Variants in DISC1 observed in about 807,000 individuals in gnomAD.
DISC1 encodes disrupted in schizophrenia 1 protein.
DISC1 carries 57 observed loss-of-function variants against 84.5 expected under a neutral mutation model. That is an observed-to-expected ratio of 0.67 (90% confidence interval 0.55 to 0.84). The LOEUF is 0.84. Ranked by LOEUF, DISC1 falls within the 40% of genes least tolerant of loss-of-function variation. DISC1 has a pLI of 0.00. For synonymous variants in DISC1, 411 were observed against 415.2 expected (o/e 0.99, Z 0.12); for missense variants, 1,000 against 1,057.8 (o/e 0.95, Z 0.76).
At chr1:231,712,720 C>T (rs1032271367) in intron 3 of DISC1, among the ~76,000 whole-genome samples, 4 of 152,192 alleles carry the variant, frequency 2.6e-5, no homozygotes, top group Non-Finnish European at 4.4e-5. Context: ...ACGTTAAGTA[C>T]TGACATAGGC....
chr1:231,634,880 C>T (rs1209303234), intron 1 of DISC1, among the ~76,000 whole-genome samples: 1 of 151,724 alleles, frequency 6.6e-6, no homozygotes, highest in African/African-American at 2.4e-5. Context: ...CTACAAATAG[C>T]CACTGCACTC....
intron 9 of DISC1, among the ~76,000 whole-genome samples, chr1:231,931,854 G>A (rs1382053103): frequency 6.6e-6 from 1 of 151,988 alleles, no homozygotes; most frequent in Non-Finnish European, 1.5e-5. Context: ...GTCTCACTGT[G>A]TTGCCCAGGG....
At chr1:232,032,244 C>T (rs201011344) in intron 12 of DISC1, among the ~76,000 whole-genome samples, 2 of 152,074 alleles carry the variant, frequency 1.3e-5, no homozygotes, top group East Asian at 3.9e-4. Context: ...TCAGATGAAC[C>T]GAAGACCTAA....
chr1:232,002,860 A>G (rs1053636372), intron 10 of DISC1, among the ~76,000 whole-genome samples: 5 of 152,196 alleles, frequency 3.3e-5, no homozygotes, highest in Non-Finnish European at 5.9e-5. Flanking sequence ...CTGAACTTAC[A>G]TAAGTGATAA....
intron 6 of DISC1, among the ~76,000 whole-genome samples, chr1:231,777,004 A>C (rs1475781572): frequency 6.6e-6 from 1 of 152,194 alleles, no homozygotes; most frequent in East Asian, 1.9e-4. Flanking sequence ...GCATATCAGC[A>C]GTCTCCAAGC....
chr1:231,890,425 G>C (rs933205557), intron 9 of DISC1, among the ~76,000 whole-genome samples: 1 of 152,154 alleles, frequency 6.6e-6, no homozygotes, highest in East Asian at 1.9e-4. Flanking sequence ...AACAGAAAAG[G>C]CACATCACTG....
At chr1:231,816,700 G>T (rs993433912) in intron 8 of DISC1, among the ~76,000 whole-genome samples, 1 of 152,062 alleles carries the variant, frequency 6.6e-6, no homozygotes, top group Non-Finnish European at 1.5e-5. Context: ...TTGGCACTTT[G>T]GTTGGCTGTA....
intron 9 of DISC1, among the ~76,000 whole-genome samples, chr1:231,859,312 T>G (rs1348051013): frequency 6.6e-6 from 1 of 152,214 alleles, no homozygotes; most frequent in Non-Finnish European, 1.5e-5. Context: ...ACTGAGTGGC[T>G]CATAAATAAC....
chr1:231,680,954 C>CA (rs1340727586), intron 1 of DISC1, among the ~76,000 whole-genome samples: 5 of 151,940 alleles, frequency 3.3e-5, no homozygotes, highest in Non-Finnish European at 5.9e-5. Context: ...CTCTTTGCTG[C>CA]AAAAAAATAA....
intron 7 of DISC1, among the ~76,000 whole-genome samples, chr1:231,796,608 G>T (rs2078784908): frequency 6.6e-6 from 1 of 152,158 alleles, no homozygotes; most frequent in African/African-American, 2.4e-5. Flanking sequence ...TTTTGCTAAA[G>T]GTCACAGAGC....
At chr1:231,901,831 T>C (rs1303573643) in intron 9 of DISC1, among the ~76,000 whole-genome samples, 1 of 152,192 alleles carries the variant, frequency 6.6e-6, no homozygotes, top group Non-Finnish European at 1.5e-5. Context: ...TCTCTCTCTG[T>C]CAGAAGAGAG....
At chr1:231,806,884 G>A (rs2079772972) in intron 8 of DISC1, among the ~76,000 whole-genome samples, 1 of 152,248 alleles carries the variant, frequency 6.6e-6, no homozygotes, top group Non-Finnish European at 1.5e-5. Flanking sequence ...TGGCACTACA[G>A]CAAGTGTGTG....
intron 10 of DISC1, among the ~76,000 whole-genome samples, 181 bp from the exon 11 acceptor site, chr1:232,008,604 G>T (rs1009313474): frequency 1.3e-5 from 2 of 152,226 alleles, no homozygotes; most frequent in African/African-American, 4.8e-5. Flanking sequence ...ATGGTGACTT[G>T]ATGGTGTGCA....
At chr1:231,700,983 T>G (rs1220604742) in intron 2 of DISC1, among the ~76,000 whole-genome samples, 1 of 152,182 alleles carries the variant, frequency 6.6e-6, no homozygotes, top group African/African-American at 2.4e-5. Flanking sequence ...TCTTTGGGTC[T>G]CCTGTTGAGA....
intron 11 of DISC1, among the ~76,000 whole-genome samples, chr1:232,025,635 C>G (rs1572677096): frequency 1.4e-5 from 2 of 146,542 alleles, no homozygotes; most frequent in South Asian, 2.2e-4. Flanking sequence ...CTCGCTCTGT[C>G]GCCCAGGCTG....
intron 8 of DISC1, among the ~76,000 whole-genome samples, chr1:231,817,990 G>A (rs181925758): frequency 1.4e-3 from 210 of 152,260 alleles, no homozygotes; most frequent in African/African-American, 4.8e-3. Context: ...TTTGACATTT[G>A]TATATTATTG....
At chr1:231,713,725 G>T (rs1016312014) in intron 3 of DISC1, among the ~76,000 whole-genome samples, 8 of 120,252 alleles carry the variant, frequency 6.7e-5, no homozygotes, top group East Asian at 2.4e-4. Context: ...TATATATATA[G>T]GAGATATATA....
chr1:231,823,746 G>C (rs2081659620), intron 9 of DISC1, among the ~76,000 whole-genome samples: 1 of 152,136 alleles, frequency 6.6e-6, no homozygotes, highest in South Asian at 2.1e-4. Context: ...TATCACCCAG[G>C]TGATAAGCAT....
At chr1:232,034,665 G>T (rs536852376) in intron 12 of DISC1, among the ~76,000 whole-genome samples, 154 of 152,236 alleles carry the variant, frequency 1.0e-3, no homozygotes, top group African/African-American at 3.7e-3. Flanking sequence ...ACAAATAGTG[G>T]CATGTAGTCC....
Sources: gnomAD v4.1 joint callset for allele counts (sites outside exome capture counted in the v4.1 genomes callset) on GRCh38, gnomAD v4.1.1 for gene constraint, MANE v1.5 for transcripts, NCBI Gene and HGNC (gene_info 2026-07-23, HGNC 2026-07-21) for gene names.